The following TDRD3 variants were observed in gnomAD, a reference collection of about 807,000 sequenced individuals.
TDRD3 encodes tudor domain-containing protein 3.
A neutral mutation model predicts 86.7 loss-of-function variants in TDRD3; 45 were observed. The observed-to-expected ratio is 0.52, with a 90% CI of 0.41 to 0.67. The LOEUF is 0.67. Ranked by LOEUF, TDRD3 falls within the 30% of genes least tolerant of loss-of-function variation. TDRD3 has a pLI of 0.00. For synonymous variants in TDRD3, 298 were observed against 301.7 expected (o/e 0.99, Z 0.13); for missense variants, 814 against 889.0 (o/e 0.92, Z 1.07).
intron 8 of TDRD3, among the ~76,000 whole-genome samples, chr13:60,503,559 C>T (rs1956877476): frequency 6.6e-6 from 1 of 152,130 alleles, no homozygotes; most frequent in Non-Finnish European, 1.5e-5. Context: ...TCCAATGTGA[C>T]TAAACATGCC....
chr13:60,562,172 G>A (rs1378408839), intron 12 of TDRD3, among the ~76,000 whole-genome samples: 1 of 152,002 alleles, frequency 6.6e-6, no homozygotes, highest in East Asian at 1.9e-4. Context: ...AATTATCTGG[G>A]TTTGGTGGTG....
At chr13:60,541,796 C>T (rs534004887) in intron 12 of TDRD3, among the ~76,000 whole-genome samples, 5 of 125,506 alleles carry the variant, frequency 4.0e-5, no homozygotes, top group South Asian at 2.8e-4. Flanking sequence ...GGCACAATCT[C>T]GGCTCACCAC....
intron 10 of TDRD3, among the ~76,000 whole-genome samples, chr13:60,523,976 TTTTCC>T (rs1306146052): frequency 6.6e-6 from 1 of 152,026 alleles, no homozygotes; most frequent in East Asian, 1.9e-4. Flanking sequence ...TTTTTCCACC[TTTTCC>T]TTTGGGGTGA....
At chr13:60,469,429 CACACAT>C (rs752357314) in intron 5 of TDRD3, among the ~76,000 whole-genome samples, 6,649 of 151,368 alleles carry the variant, frequency 0.044, 185 homozygotes, top group Non-Finnish European at 0.063. Flanking sequence ...AACACACACA[CACACAT>C]ACACACACAC....
At chr13:60,462,956 T>G (rs1371747357) in intron 4 of TDRD3, among the ~76,000 whole-genome samples, 1 of 152,066 alleles carries the variant, frequency 6.6e-6, no homozygotes, top group East Asian at 1.9e-4. Context: ...AACCCAGAAA[T>G]AAATCCACAT....
intron 5 of TDRD3, among the ~76,000 whole-genome samples, chr13:60,477,215 G>A (rs9538718): frequency 0.38 from 45,908 of 120,684 alleles, 7,375 homozygotes; most frequent in South Asian, 0.45. Context: ...TATTATTATT[G>A]TTATTATTAT....
At chr13:60,446,532 A>G (rs967388911) in intron 3 of TDRD3, among the ~76,000 whole-genome samples, 4 of 152,074 alleles carry the variant, frequency 2.6e-5, no homozygotes, top group African/African-American at 9.7e-5. Flanking sequence ...TGGCCTTCTC[A>G]CAGAATTATT....
chr13:60,552,115 C>T (rs538629096), intron 12 of TDRD3, among the ~76,000 whole-genome samples: 27 of 152,328 alleles, frequency 1.8e-4, no homozygotes, highest in Non-Finnish European at 2.9e-4. Flanking sequence ...AGTCTTAACT[C>T]GTTCCAGCAT....
intron 7 of TDRD3, among the ~76,000 whole-genome samples, chr13:60,489,649 G>A (rs1205908297): frequency 6.6e-6 from 1 of 151,982 alleles, no homozygotes; most frequent in East Asian, 1.9e-4. Flanking sequence ...CTGCTACTTG[G>A]CACAAATCAT....
intron 3 of TDRD3, among the ~76,000 whole-genome samples, chr13:60,446,935 G>GT (rs1313376042): frequency 5.9e-5 from 9 of 152,112 alleles, no homozygotes; most frequent in African/African-American, 2.2e-4. Context: ...CTAACATTAT[G>GT]TAAGTTATAG....
intron 12 of TDRD3, among the ~76,000 whole-genome samples, chr13:60,557,892 G>A (rs1260638368): frequency 2.2e-5 from 3 of 133,376 alleles, no homozygotes; most frequent in Non-Finnish European, 4.6e-5. Context: ...GTGCAATCTC[G>A]GCTCACTGCA....
intron 10 of TDRD3, among the ~76,000 whole-genome samples, chr13:60,522,895 G>A (rs1957320783): frequency 6.6e-6 from 1 of 152,010 alleles, no homozygotes; most frequent in Admixed American, 6.6e-5. Context: ...TTTTTCCTCT[G>A]GGTGGGCAGC....
chr13:60,398,130 A>G (rs1023259879), intron 1 of TDRD3, among the ~76,000 whole-genome samples: 1 of 152,210 alleles, frequency 6.6e-6, no homozygotes, highest in African/African-American at 2.4e-5. Flanking sequence ...GAAATTAGGC[A>G]GTTTCTGGAA....
chr13:60,434,011 A>G (rs990730391), intron 1 of TDRD3: 1 of 152,206 alleles, frequency 6.6e-6, no homozygotes, highest in Non-Finnish European at 1.5e-5. Flanking sequence ...TTTTCTGCCA[A>G]TTGAGATTCT....
intron 7 of TDRD3, among the ~76,000 whole-genome samples, chr13:60,488,938 T>C (rs868752372): frequency 5.3e-5 from 8 of 152,208 alleles, no homozygotes; most frequent in Non-Finnish European, 1.2e-4. Context: ...ATGTTCCTTA[T>C]ATATTCTAGA....
At chr13:60,541,535 A>G (rs568236464) in intron 12 of TDRD3, among the ~76,000 whole-genome samples, 1 of 151,872 alleles carries the variant, frequency 6.6e-6, no homozygotes, top group South Asian at 2.1e-4. Flanking sequence ...ATCTTTTATC[A>G]ACTAAATCTC....
chr13:60,445,380 A>G (rs1325134527), intron 3 of TDRD3, among the ~76,000 whole-genome samples: 1 of 152,224 alleles, frequency 6.6e-6, no homozygotes, highest in Admixed American at 6.5e-5. Context: ...GAAGACATAA[A>G]TGTCAGTGCC....
chr13:60,566,053 C>A (rs1242252923), intron 12 of TDRD3, among the ~76,000 whole-genome samples: 2 of 152,126 alleles, frequency 1.3e-5, no homozygotes, highest in Non-Finnish European at 2.9e-5. Context: ...TTTCTGCATT[C>A]TCTTCTTTCA....
intron 5 of TDRD3, among the ~76,000 whole-genome samples, chr13:60,479,248 A>G (rs2137473902): frequency 6.6e-6 from 1 of 152,208 alleles, no homozygotes; most frequent in Non-Finnish European, 1.5e-5. Context: ...CCTTGATTTC[A>G]TTGTTCACCC....
Sources: gnomAD v4.1 joint callset for allele counts (sites outside exome capture counted in the v4.1 genomes callset) on GRCh38, gnomAD v4.1.1 for gene constraint, MANE v1.5 for transcripts, NCBI Gene and HGNC (gene_info 2026-07-23, HGNC 2026-07-21) for gene names.